Variants in MROH2A observed in about 807,000 individuals in gnomAD.
MROH2A encodes the protein maestro heat-like repeat-containing protein family member 2A.
MROH2A carries 174 observed loss-of-function variants against 200.4 expected under a neutral mutation model. The observed-to-expected ratio is 0.87, with a 90% CI of 0.77 to 0.98. MROH2A has a LOEUF of 0.98. MROH2A is among the 50% of genes least tolerant of loss of function. The pLI is 0.00. For missense variants in MROH2A, 2,045 were observed against 2,139.6 expected (o/e 0.96, Z 0.87); for synonymous variants, 829 against 840.4 (o/e 0.99, Z 0.23).
At position 233,779,852 on chromosome 2, in the gene MROH2A, GGT is replaced by G. The variant is rs1417028087; in HGVS notation, c.276+1_276+2del. ...TCATCCGCTGCCTGCAGGTGCCAGAGGTAGGGCCATCTTACCCACTGGGCTCA... is the reference window on the plus strand; with the variant it reads ...TCATCCGCTGCCTGCAGGTGCCAGAGAGGGCCATCTTACCCACTGGGCTCA... On this transcript the variant is annotated splice_donor_variant, in intron 3 of 41. Coordinates refer to ENST00000389758, the MANE Select transcript of MROH2A (RefSeq NM_001394639.1). LOFTEE classifies it high-confidence loss of function. The G allele has an allele frequency of 2.6e-6, 4 of 1,549,026 alleles. No homozygotes were observed. The African/African-American group carries it at 5.5e-5, about 21-fold the overall frequency.
rs1702105648 is a variant in MROH2A, at chr2:233,796,297, T to C, written c.1236T>C (p.Ala412=). Residue 412 remains alanine, a synonymous_variant, in exon 11 of 42, where the codon GCT becomes GCC. Transcript: ENST00000389758. ...TGGGGACTCTGAATCTGATTAGGGC[T>C]ATAGTGAGCGCAGATGGTGAGCAAG... ...VRVGTLNLIR[A]IVSADEPRMS... 8.2e-6 allele frequency: 11 copies of C among 1,340,888 alleles called. No individual in the cohort carries two copies. Among genetic ancestry groups the C allele is most frequent in the Non-Finnish European group, 9.8e-6 (10 of 1,024,064 alleles). The allele number at this position is 1,340,888 out of a possible 1,614,324, so 83.1% of individuals were successfully genotyped here. A position where few individuals can be genotyped will look rare whatever the true frequency, so the allele number is the denominator to read the frequency against.
rs533821426 is a variant in MROH2A, at chr2:233,794,466, C to T, written c.926C>T (p.Ala309Val). 32 of 1,549,666 alleles carry T rather than the reference C, an allele frequency of 2.1e-5. No homozygotes were observed. The highest frequency in any genetic ancestry group is 6.8e-5 in the African/African-American group (5 of 73,142). ...QVYDYIPLLL[A>V]EYQGSLEVLF... ...TACGACTACATCCCCCTGCTGCTGG[C>T]GGAGTACCAGGGCAGTCTGGAGGTG... Residue 309 changes from alanine to valine, a missense_variant, in exon 8 of 42, where the codon GCG becomes GTG. Transcript: ENST00000389758.
intron 21 of MROH2A, among the ~76,000 whole-genome samples, chr2:233,808,855 A>G (rs143526048): frequency 6.6e-6 from 1 of 152,274 alleles, no homozygotes; most frequent in Non-Finnish European, 1.5e-5. Context: ...CCCACAGGTG[A>G]TGGGTGGTCT....
intron 8 of MROH2A, among the ~76,000 whole-genome samples, chr2:233,794,718 C>T (rs993250641): frequency 1.3e-5 from 2 of 152,114 alleles, no homozygotes; most frequent in Admixed American, 1.3e-4. Flanking sequence ...GTGGAAGGGA[C>T]CAGGTGCTGG....
At chr2:233,830,800 G>A (rs906704655) in intron 38 of MROH2A, among the ~76,000 whole-genome samples, 2 of 152,164 alleles carry the variant, frequency 1.3e-5, no homozygotes, top group African/African-American at 4.8e-5. Context: ...TGGGCACAAG[G>A]TGTCACTGCC....
chr2:233,823,543 C>T lies in MROH2A; in HGVS notation c.4005-13C>T. ...GGCCGCCTCCACGACCTGGCACTGTCTCTCCTCTGCAGGCTGTGCATGCAG... is the reference window on the plus strand; with the variant it reads ...GGCCGCCTCCACGACCTGGCACTGTTTCTCCTCTGCAGGCTGTGCATGCAG... On this transcript the variant is annotated splice_polypyrimidine_tract_variant and intron_variant, in intron 34 of 41. Transcript: ENST00000389758. 6.5e-7 allele frequency: 1 copy of T among 1,548,754 alleles called. No individual in the cohort carries two copies. The highest frequency in any genetic ancestry group is 8.7e-7 in the Non-Finnish European group (1 of 1,146,202).
At chr2:233,796,544 A>G (rs1377741023) in intron 11 of MROH2A, among the ~76,000 whole-genome samples, 2 of 152,036 alleles carry the variant, frequency 1.3e-5, no homozygotes, top group African/African-American at 4.8e-5. Flanking sequence ...GTTAACCCGA[A>G]TCCTCCTGCT....
intron 7 of MROH2A, 144 bp from the exon 8 acceptor site, chr2:233,794,219 C>T (rs891104186): frequency 1.4e-5 from 9 of 653,832 alleles, no homozygotes; most frequent in East Asian, 2.7e-5. Flanking sequence ...GACTCAAACC[C>T]GGCCGCCTGT....
At chr2:233,797,212 G>A (rs1702170337) in intron 11 of MROH2A, among the ~76,000 whole-genome samples, 1 of 152,202 alleles carries the variant, frequency 6.6e-6, no homozygotes, top group African/African-American at 2.4e-5. Flanking sequence ...GAAACCACCT[G>A]TGATACTTCA....
Position 233,792,133 on chromosome 2 carries a change from G to A in MROH2A, c.572-663G>A, listed in dbSNP as rs142332250. On this transcript the variant is annotated intron_variant, in intron 5 of 41. Transcript: ENST00000389758. ...CCCTGAAGGAGGCTGGCCTGTGTCC[G>A]GGAGGATGGACGCACTCTGGGGGCT... 4.2e-3 allele frequency among the ~76,000 whole-genome samples: 637 copies of A among 152,148 alleles called. 4 individuals are homozygous for A. Among genetic ancestry groups the A allele is most frequent in the African/African-American group, 0.015 (602 of 41,504 alleles).
intron 8 of MROH2A, among the ~76,000 whole-genome samples, chr2:233,794,743 C>T (rs1319095729): frequency 6.6e-6 from 1 of 152,266 alleles, no homozygotes; most frequent in Non-Finnish European, 1.5e-5. Flanking sequence ...TCGGAGGCTG[C>T]AGTGAGGCTG....
chr2:233,819,330 A>G lies in MROH2A; in HGVS notation c.3218A>G (p.Glu1073Gly), dbSNP rs1703773722. The G allele has an allele frequency of 1.3e-6, 2 of 1,550,240 alleles. No individual in the cohort carries two copies. The highest frequency in any genetic ancestry group is 1.4e-5 in the African/African-American group (1 of 72,990). ...SSRIAKVVCM[E>G]FSCDEVVSLI... The stretch of plus-strand genomic sequence containing the variant: ...CTCTGCTCCTAGGTGGTCTGCATGG[A>G]GTTTAGCTGCGATGAGGTGGTCTCG... The change falls in exon 30 of 42, where the codon GAG (glutamate) becomes GGG (glycine). Residue 1073 changes from glutamate to glycine, a missense_variant. This residue lies in a region of MROH2A where 1,201 missense variants were observed against 1,311.3 expected (regional missense o/e 0.92). Transcript: ENST00000389758.
In MROH2A at chr2:233,787,803, T is replaced by C. The variant is rs540356209; in HGVS notation, c.277-1694T>C. ...TATATATATCATATATAATATATAT[T>C]ATATATATTATATATAATATATATT... On this transcript the variant is annotated intron_variant, in intron 3 of 41. Transcript: ENST00000389758. Among the ~76,000 whole-genome samples, 58 of 7,656 alleles carry C rather than the reference T, an allele frequency of 7.6e-3. 23 individuals carry two copies. Among genetic ancestry groups the C allele is most frequent in the African/African-American group, 0.031 (30 of 964 alleles). 5.0% of individuals were successfully genotyped at this position (7,656 alleles called of 152,430 possible).
intron 38 of MROH2A, 44 bp downstream of exon 38, chr2:233,829,819 G>A: frequency 7.8e-7 from 1 of 1,288,814 alleles, no homozygotes; most frequent in Non-Finnish European, 9.9e-7. Context: ...GGGGCCCGCT[G>A]TTCCCCGAGG....
At position 233,779,569 on chromosome 2, in the gene MROH2A, A is replaced by G. The variant is rs796219527; in HGVS notation, c.95-102A>G. 59 of 1,413,228 alleles carry G rather than the reference A, an allele frequency of 4.2e-5. No individual in the cohort carries two copies. In the African/African-American group the frequency reaches 7.4e-4, roughly 18 times the overall value. The allele number at this position is 1,413,228 out of a possible 1,614,324, so 87.5% of individuals were successfully genotyped here. ...CTGCACAGTGGACATCATACCACACATGAAGCTGGAGCTGCGCAGGTGGAG... is the reference window on the plus strand; with the variant it reads ...CTGCACAGTGGACATCATACCACACGTGAAGCTGGAGCTGCGCAGGTGGAG... On this transcript the variant is annotated intron_variant, in intron 2 of 41. Coordinates refer to ENST00000389758, the MANE Select transcript of MROH2A (RefSeq NM_001394639.1).
At chr2:233,803,197 G>T (rs893886162) in intron 15 of MROH2A, among the ~76,000 whole-genome samples, 1 of 152,210 alleles carries the variant, frequency 6.6e-6, no homozygotes, top group African/African-American at 2.4e-5. Flanking sequence ...TACAAAATGC[G>T]CATGGCCTGA....
chr2:233,794,721 G>A (rs764639835), intron 8 of MROH2A, among the ~76,000 whole-genome samples: 20 of 152,206 alleles, frequency 1.3e-4, no homozygotes, highest in Admixed American at 3.3e-4. Flanking sequence ...GAAGGGACCA[G>A]GTGCTGGTCC....
At chr2:233,796,161 C>T (rs747602055) in intron 10 of MROH2A, 39 bp from the exon 11 acceptor site, 2 of 1,525,562 alleles carry the variant, frequency 1.3e-6, no homozygotes, top group South Asian at 1.2e-5. Flanking sequence ...CTGCTCTGGA[C>T]CCGGTGAGCA....
At chr2:233,810,698 C>G in intron 22 of MROH2A, 96 bp from the exon 23 acceptor site, 1 of 1,456,434 alleles carries the variant, frequency 6.9e-7, no homozygotes, top group Non-Finnish European at 9.2e-7. Flanking sequence ...ACGCTTTCTT[C>G]AGAGCAGAGG....
Sources: gnomAD v4.1 joint callset for allele counts (sites outside exome capture counted in the v4.1 genomes callset) on GRCh38, gnomAD v4.1.1 for gene constraint, gnomAD v4.1.1 regional missense constraint, MANE v1.5 for transcripts, NCBI Gene and HGNC (gene_info 2026-07-23, HGNC 2026-07-21) for gene names.